DENND3: variants seen among roughly 807,000 people sequenced by gnomAD.
DENND3 encodes the protein DENN domain-containing protein 3.
A neutral mutation model predicts 135.1 loss-of-function variants in DENND3; 88 were observed. The observed-to-expected ratio is 0.65, with a 90% CI of 0.55 to 0.78. The LOEUF is 0.78. Among genes scored for constraint, DENND3 ranks in the 30% least tolerant of loss-of-function variants. The pLI is 0.00. For missense variants in DENND3, 1,392 were observed against 1,688.4 expected (o/e 0.82, Z 3.08); for synonymous variants, 693 against 712.3 (o/e 0.97, Z 0.43).
Position 141,130,290 on chromosome 8 carries a change from C to T in DENND3, c.102+1481C>T, listed in dbSNP as rs550759890. 1.1e-4 allele frequency among the ~76,000 whole-genome samples: 16 copies of T among 152,186 alleles called. No individual in the cohort carries two copies. Among genetic ancestry groups the T allele is most frequent in the Admixed American group, 2.0e-4 (3 of 15,294 alleles). ...TCACTGTGTTGCCCAGACTCATCTC[C>T]AATTCCTGAGCTCAAGTGATCCTCC... On this transcript the variant is annotated intron_variant, in intron 1 of 22. Coordinates refer to ENST00000519811, the MANE Select transcript of DENND3 (RefSeq NM_001352890.3). The surrounding 1 kb of genome is among the most constrained non-coding windows in gnomAD (Gnocchi z 4.2).
chr8:141,162,702 G>T (rs1282364348), intron 9 of DENND3, among the ~76,000 whole-genome samples: 2 of 152,138 alleles, frequency 1.3e-5, no homozygotes, highest in Non-Finnish European at 2.9e-5. Flanking sequence ...TTGGGAGGCC[G>T]AGGTGGGTGG....
chr8:141,150,451 C>A (rs1818665185), intron 5 of DENND3: 2 of 489,464 alleles, frequency 4.1e-6, no homozygotes, highest in South Asian at 4.5e-5. Flanking sequence ...GAGTTCATAG[C>A]ATACACTAAC....
intron 8 of DENND3, among the ~76,000 whole-genome samples, chr8:141,159,943 G>T (rs530666095): frequency 6.6e-6 from 1 of 152,224 alleles, no homozygotes; most frequent in Non-Finnish European, 1.5e-5. Flanking sequence ...TGGGCAGGAA[G>T]TACAGAGGGG....
intron 8 of DENND3, chr8:141,157,606 G>A (rs1346162856): frequency 2.1e-5 from 21 of 985,766 alleles, no homozygotes; most frequent in South Asian, 4.7e-5. Flanking sequence ...TCTTCTCTTC[G>A]CCTTCCTTTG....
At chr8:141,136,946 T>C (rs1230615433) in intron 2 of DENND3, among the ~76,000 whole-genome samples, 155 bp downstream of exon 2, 1 of 152,184 alleles carries the variant, frequency 6.6e-6, no homozygotes, top group Non-Finnish European at 1.5e-5. Context: ...TTTCTTAATC[T>C]TGGGGATTTT....
rs750401057 is a variant in DENND3, at chr8:141,175,574, G to T, written c.2535+115G>T. 6.5e-7 allele frequency: 1 copy of T among 1,531,774 alleles called. No individual in the cohort carries two copies. Among genetic ancestry groups the T allele is most frequent in the Admixed American group, 1.7e-5 (1 of 57,484 alleles). The allele number at this position is 1,531,774 out of a possible 1,614,324, so 94.9% of individuals were successfully genotyped here. A position where few individuals can be genotyped will look rare whatever the true frequency, so the allele number is the denominator to read the frequency against. On this transcript the variant is annotated intron_variant, in intron 14 of 22. Transcript: ENST00000519811. This position sits in a 1 kb window ranked among gnomAD's most constrained non-coding sequence, Gnocchi z 5.4. ...GCCAAGTACCAGCTGCAGCCCTTCT[G>T]CAGACCGAATGCCTTCCTGTCCCTC...
chr8:141,144,305 A>G lies in DENND3; in HGVS notation c.735+46A>G, dbSNP rs1817792940. 2 of 1,511,586 alleles carry G rather than the reference A, an allele frequency of 1.3e-6. No individual in the cohort carries two copies. The highest frequency in any genetic ancestry group is 1.8e-6 in the Non-Finnish European group (2 of 1,104,560). 93.6% of individuals were successfully genotyped at this position (1,511,586 alleles called of 1,614,324 possible). On this transcript the variant is annotated intron_variant, in intron 5 of 22. Coordinates refer to ENST00000519811, the MANE Select transcript of DENND3 (RefSeq NM_001352890.3). The surrounding 1 kb of genome is among the most constrained non-coding windows in gnomAD (Gnocchi z 4.4). Reference sequence around the variant, plus strand: ...TATTGTTTTTTCTTTGCAAATAGTAAAAGTAAGATGTTGAAGATAATGTAA... The same window carrying G: ...TATTGTTTTTTCTTTGCAAATAGTAGAAGTAAGATGTTGAAGATAATGTAA...
At chr8:141,179,490 C>T (rs307730) in intron 16 of DENND3, among the ~76,000 whole-genome samples, 3,838 of 152,308 alleles carry the variant, frequency 0.025, 154 homozygotes, top group African/African-American at 0.087. Flanking sequence ...CCCGCTCCCT[C>T]GTTACAAATC....
In DENND3 at chr8:141,190,288, G is replaced by T; in HGVS notation, c.3250G>T (p.Val1084Leu). ...GTGTGTGTTTTGTGCCCCCAGCAAC[G>T]TGTACTCGTGCAGCATGGACGGCAT... ...VQDGQEAPSN[V>L]YSCSMDGMVL... The change falls in exon 20 of 23, where the codon GTG (valine) becomes TTG (leucine). Residue 1084 changes from valine to leucine, a missense_variant. By Grantham distance (32) the Val-to-Leu change is conservative. Coordinates refer to ENST00000519811, the MANE Select transcript of DENND3 (RefSeq NM_001352890.3). 1 of 1,591,638 alleles carries T rather than the reference G, an allele frequency of 6.3e-7. No homozygotes were observed. Among genetic ancestry groups the T allele is most frequent in the Non-Finnish European group, 8.6e-7 (1 of 1,167,614 alleles).
chr8:141,169,193 G>T (rs1209377722), intron 13 of DENND3, among the ~76,000 whole-genome samples: 1 of 152,238 alleles, frequency 6.6e-6, no homozygotes, highest in East Asian at 1.9e-4. Context: ...CAGTGGTCAG[G>T]TAACAGCAGT....
At chr8:141,150,977 C>T (rs371193957) in intron 6 of DENND3, 24 bp downstream of exon 6, 126 of 1,505,412 alleles carry the variant, frequency 8.4e-5, no homozygotes, top group South Asian at 2.9e-4. Flanking sequence ...CCCCGGCGAG[C>T]GCGTCTTGTG....
intron 17 of DENND3, 91 bp downstream of exon 17, chr8:141,180,945 G>C: frequency 9.9e-7 from 1 of 1,012,320 alleles, no homozygotes; most frequent in Admixed American, 2.5e-5. Context: ...AAGTGAAAGG[G>C]GAGCCAGTGT....
rs1310101956 is a variant in DENND3 at position 141,167,918 on chromosome 8, TGTCCTTGACAAGATGATGTGACAGG to T, written c.1754-84_1754-60del. 2 of 1,508,130 alleles carry T rather than the reference TGTCCTTGACAAGATGATGTGACAGG, an allele frequency of 1.3e-6. No homozygotes were observed. The highest frequency in any genetic ancestry group is 4.5e-5 in the East Asian group (2 of 43,964). 93.4% of individuals were successfully genotyped at this position (1,508,130 alleles called of 1,614,324 possible). A position where few individuals can be genotyped will look rare whatever the true frequency, so the allele number is the denominator to read the frequency against. ...TTTTATTTTGCATCCAGAGAAACAT[TGTCCTTGACAAGATGATGTGACAGG>T]GACACGTGTTCATTTGGAAGGTCTG... is the stretch of plus-strand genomic sequence containing the variant. On this transcript the variant is annotated intron_variant, in intron 12 of 22. Coordinates refer to ENST00000519811, the MANE Select transcript of DENND3 (RefSeq NM_001352890.3). The surrounding 1 kb of genome is among the most constrained non-coding windows in gnomAD (Gnocchi z 4.1).
chr8:141,135,152 CTTTTT>C (rs532006355), intron 1 of DENND3, among the ~76,000 whole-genome samples: 1 of 134,966 alleles, frequency 7.4e-6, no homozygotes. Flanking sequence ...TTCTTTCTTT[CTTTTT>C]TTTTTTTTTT....
At chr8:141,160,505 C>T (rs535399028) in intron 8 of DENND3, 127 bp from the exon 9 acceptor site, 18 of 1,197,546 alleles carry the variant, frequency 1.5e-5, no homozygotes, top group East Asian at 8.3e-5. Flanking sequence ...AATGACCACC[C>T]GCCCCTCAAA....
chr8:141,172,640 C>T (rs982217056), intron 13 of DENND3, among the ~76,000 whole-genome samples: 38 of 152,216 alleles, frequency 2.5e-4, no homozygotes, highest in Admixed American at 7.2e-4. Flanking sequence ...GTGATGGCTT[C>T]GCCGATTCAC....
intron 13 of DENND3, among the ~76,000 whole-genome samples, chr8:141,169,182 A>G (rs1018395987): frequency 6.6e-6 from 1 of 152,220 alleles, no homozygotes; most frequent in Non-Finnish European, 1.5e-5. Flanking sequence ...ATGCTTAACG[A>G]CAGTGGTCAG....
intron 13 of DENND3, among the ~76,000 whole-genome samples, chr8:141,172,020 G>A (rs993760280): frequency 1.3e-5 from 2 of 150,160 alleles, no homozygotes; most frequent in African/African-American, 4.9e-5. Flanking sequence ...GTGCATATCG[G>A]TGTCTGTGGG....
At position 141,178,145 on chromosome 8, in the gene DENND3, G is replaced by A. The variant is rs769754928; in HGVS notation, c.2785G>A (p.Ala929Thr). 70 of 1,613,312 alleles carry A rather than the reference G, an allele frequency of 4.3e-5. No homozygotes were observed. The highest frequency in any genetic ancestry group is 5.2e-5 in the Non-Finnish European group (61 of 1,179,358). The change falls in exon 16 of 23, where the codon GCC becomes ACC. Residue 929 changes from alanine (A) to threonine (T), a missense_variant. Transcript: ENST00000519811. ...AVVGTLQSPGAIYAASKLSYF... is the reference protein window; with the variant it reads ...AVVGTLQSPGTIYAASKLSYF... ...CGTGGGCACACTGCAGTCACCAGGC[G>A]CCATCTACGCTGCCTCCAAGTTATC...
Sources: gnomAD v4.1 joint callset for allele counts (sites outside exome capture counted in the v4.1 genomes callset) on GRCh38, gnomAD v4.1.1 for gene constraint, Gnocchi (gnomAD v3.1) non-coding constraint, MANE v1.5 for transcripts, NCBI Gene and HGNC (gene_info 2026-07-23, HGNC 2026-07-21) for gene names.